The following IRAK1BP1 variants were observed in gnomAD, a reference collection of about 807,000 sequenced individuals.
IRAK1BP1 encodes interleukin 1 receptor associated kinase 1 binding protein 1, also known as interleukin-1 receptor-associated kinase 1-binding protein 1.
In IRAK1BP1, 24 loss-of-function variants were observed where a neutral mutation model predicts 28.0. The observed-to-expected ratio is 0.86, with a 90% confidence interval of 0.62 to 1.20. IRAK1BP1 has a LOEUF of 1.20. Among genes scored for constraint, IRAK1BP1 ranks in the 50% most tolerant of loss-of-function variants. The pLI is 0.00. For missense variants in IRAK1BP1, 336 were observed against 316.7 expected, an observed-to-expected ratio of 1.06 and a Z score of -0.46; for synonymous variants, 131 against 116.3, an observed-to-expected ratio of 1.13 and a Z score of -0.81.
At chr6:78,923,101 A>G (rs1022215860) in intron 4 of IRAK1BP1, among the ~76,000 whole-genome samples, 4 of 152,224 alleles carry the variant, frequency 2.6e-5, no homozygotes, top group South Asian at 2.1e-4. Flanking sequence ...AATGGGCTAA[A>G]TGCTCCAATT....
chr6:78,897,690 A>G (rs1771941520), intron 2 of IRAK1BP1, 139 bp from the exon 3 acceptor site: 1 of 553,824 alleles, frequency 1.8e-6, no homozygotes, highest in Non-Finnish European at 2.9e-6. Context: ...AGTTATAAGT[A>G]TCAAATAGGC....
At chr6:78,879,031 G>A (rs147457915) in intron 1 of IRAK1BP1, among the ~76,000 whole-genome samples, 1,696 of 152,242 alleles carry the variant, frequency 0.011, 33 homozygotes, top group African/African-American at 0.039. Context: ...TGGTGTACCT[G>A]AAAGTGACGG....
the IRAK1BP1 span, among the ~76,000 whole-genome samples, chr6:78,977,853 GT>G: frequency 1.3e-5 from 2 of 152,000 alleles, no homozygotes; most frequent in African/African-American, 4.8e-5. Context: ...GCATTAAAAA[GT>G]TTTTGTTTTC....
At chr6:78,935,230 T>C (rs932699267) in intron 4 of IRAK1BP1, among the ~76,000 whole-genome samples, 2 of 152,132 alleles carry the variant, frequency 1.3e-5, no homozygotes, top group Admixed American at 1.3e-4. Flanking sequence ...TTCCTCAACT[T>C]AGAAATTTAT....
chr6:78,940,923 T>C, intron 4 of IRAK1BP1: 3 of 1,613,986 alleles, frequency 1.9e-6, no homozygotes, highest in Non-Finnish European at 2.5e-6. Flanking sequence ...GGATCATCTA[T>C]CTTTTTTCGG....
chr6:78,879,869 A>T (rs1771158911), intron 1 of IRAK1BP1, among the ~76,000 whole-genome samples: 1 of 152,208 alleles, frequency 6.6e-6, no homozygotes, highest in African/African-American at 2.4e-5. Flanking sequence ...CAGGGTACAG[A>T]TATAGTAGTG....
chr6:78,902,041 A>G lies in IRAK1BP1; in HGVS notation c.*3707A>G, dbSNP rs1171423286. 6.6e-6 allele frequency: 1 copy of G among 152,206 alleles called. No individual in the cohort carries two copies. Among genetic ancestry groups the G allele is most frequent in the Non-Finnish European group, 1.5e-5 (1 of 68,034 alleles). 9.4% of individuals were successfully genotyped at this position (152,206 alleles called of 1,614,324 possible). A position where few individuals can be genotyped will look rare whatever the true frequency, so the allele number is the denominator to read the frequency against. ...TATCTGCATTACAAAATGAAAGCAA[A>G]TGCTTTATTTATTCCAACAAAAAAA... is the stretch of plus-strand genomic sequence containing the variant. On this transcript the variant is annotated 3_prime_UTR_variant, in exon 4 of 4. Transcript: ENST00000369940.
At chr6:78,947,559 T>A (rs978273414), downstream of IRAK1BP1, 5 of 746,170 alleles carry the variant, frequency 6.7e-6, no homozygotes, top group African/African-American at 8.9e-5. Context: ...AAAGCAACAT[T>A]TAGTCATTTA....
At chr6:78,949,666 T>A (rs1774029875), downstream of IRAK1BP1, among the ~76,000 whole-genome samples, 1 of 152,060 alleles carries the variant, frequency 6.6e-6, no homozygotes, top group Non-Finnish European at 1.5e-5. Flanking sequence ...AAGCCCCGAC[T>A]TTTCTGGGAC....
At chr6:78,884,703 T>C (rs1771353768) in intron 1 of IRAK1BP1, among the ~76,000 whole-genome samples, 1 of 152,074 alleles carries the variant, frequency 6.6e-6, no homozygotes, top group Admixed American at 6.6e-5. Flanking sequence ...GCTCAAAAAA[T>C]TTAGTAACTT....
At chr6:78,880,389 G>T (rs562225710) in intron 1 of IRAK1BP1, among the ~76,000 whole-genome samples, 20 of 152,236 alleles carry the variant, frequency 1.3e-4, no homozygotes, top group African/African-American at 4.1e-4. Context: ...TCGAATTTTG[G>T]ATTTTCACAT....
At chr6:78,952,020 T>C in the IRAK1BP1 span, among the ~76,000 whole-genome samples, 6 of 152,244 alleles carry the variant, frequency 3.9e-5, no homozygotes, top group Non-Finnish European at 5.9e-5. Context: ...TATTTTCTTT[T>C]TGACTTTCAA....
At chr6:78,974,041 A>G in the IRAK1BP1 span, among the ~76,000 whole-genome samples, 1 of 152,216 alleles carries the variant, frequency 6.6e-6, no homozygotes, top group Non-Finnish European at 1.5e-5. Context: ...AGACTTCTGC[A>G]GAACTCTCCA....
chr6:78,878,362 C>T (rs551388171), intron 1 of IRAK1BP1, among the ~76,000 whole-genome samples: 9 of 152,318 alleles, frequency 5.9e-5, no homozygotes, highest in Non-Finnish European at 8.8e-5. Context: ...CTGCAGCCTC[C>T]GCTGCTGATA....
the IRAK1BP1 span, among the ~76,000 whole-genome samples, chr6:78,959,813 G>A: frequency 1.3e-5 from 2 of 152,040 alleles, no homozygotes; most frequent in African/African-American, 4.8e-5. Context: ...CTCAACTAAC[G>A]ATGGTGTTAC....
chr6:78,926,414 T>C (rs2127668371), intron 4 of IRAK1BP1, among the ~76,000 whole-genome samples: 1 of 152,242 alleles, frequency 6.6e-6, no homozygotes, highest in South Asian at 2.1e-4. Context: ...ATTTTAATTT[T>C]TCTGGGTACG....
At chr6:78,942,921 T>C (rs965390040) in intron 4 of IRAK1BP1, among the ~76,000 whole-genome samples, 2 of 152,204 alleles carry the variant, frequency 1.3e-5, no homozygotes, top group African/African-American at 4.8e-5. Context: ...TGCAGCTTTC[T>C]TAAAAAGGAA....
intron 4 of IRAK1BP1, chr6:78,945,148 A>C (rs116682867): frequency 1.6e-4 from 102 of 619,654 alleles, no homozygotes; most frequent in Non-Finnish European, 2.6e-4. Flanking sequence ...CAGTGGCACA[A>C]TAATAGCTCA....
At position 78,898,325 on chromosome 6, in the gene IRAK1BP1, G is replaced by C. The variant is rs754370504; in HGVS notation, c.774G>C (p.Lys258Asn). The change falls in exon 4 of 4, where the codon AAG becomes AAC. Residue 258 changes from lysine to asparagine, a missense_variant. Transcript: ENST00000369940. The stretch of plus-strand genomic sequence containing the variant: ...TAAAGGGAAAAGAGAAGAGAAAAAA[G>C]CACCTTTGAAATTCCAAACAAATTA... Reference protein sequence around the residue: ...FEVKGKEKRKKHL With the variant: ...FEVKGKEKRKNHL The C allele has an allele frequency of 6.5e-7, 1 of 1,531,048 alleles. No homozygotes were observed. Among genetic ancestry groups the C allele is most frequent in the Non-Finnish European group, 8.8e-7 (1 of 1,130,938 alleles). The allele number at this position is 1,531,048 out of a possible 1,614,324, so 94.8% of individuals were successfully genotyped here.
Sources: gnomAD v4.1 joint callset for allele counts (sites outside exome capture counted in the v4.1 genomes callset) on GRCh38, gnomAD v4.1.1 for gene constraint, MANE v1.5 for transcripts, NCBI Gene and HGNC (gene_info 2026-07-23, HGNC 2026-07-21) for gene names.